ASB4: variants seen among roughly 807,000 people sequenced by gnomAD.
ASB4 encodes ankyrin repeat and SOCS box containing 4.
In ASB4, 35 loss-of-function variants were observed where a neutral mutation model predicts 38.6. The ratio of observed to expected loss-of-function variants is 0.91; its 90% CI spans 0.69 to 1.20. The LOEUF is 1.20. Among genes scored for constraint, ASB4 ranks in the 50% most tolerant of loss-of-function variants. ASB4 has a pLI of 0.00. For missense variants in ASB4, 557 were observed against 527.2 expected (o/e 1.06, Z -0.55); for synonymous variants, 195 against 201.3 (o/e 0.97, Z 0.26).
At chr7:95,541,847 T>G (rs2116666187), downstream of ASB4, among the ~76,000 whole-genome samples, 1 of 152,308 alleles carries the variant, frequency 6.6e-6, no homozygotes, top group African/African-American at 2.4e-5. Flanking sequence ...GGTCATTGGG[T>G]ATCAGAATGA....
At chr7:95,550,928 C>T in the ASB4 span, among the ~76,000 whole-genome samples, 1 of 152,140 alleles carries the variant, frequency 6.6e-6, no homozygotes, top group Non-Finnish European at 1.5e-5. Context: ...TTGGCCCCAG[C>T]TCTAAAATTA....
chr7:95,544,325 A>T (rs1031575213), downstream of ASB4: 6 of 152,232 alleles, frequency 3.9e-5, no homozygotes, highest in Non-Finnish European at 7.3e-5. Flanking sequence ...ACGTCATTAC[A>T]GTCTTTCAGG....
At chr7:95,513,242 GTTT>G (rs1790507968) in intron 2 of ASB4, among the ~76,000 whole-genome samples, 2 of 49,696 alleles carry the variant, frequency 4.0e-5, no homozygotes, top group Non-Finnish European at 8.3e-5. Context: ...GGTTTTTTTT[GTTT>G]TTTGTTTGTT....
Position 95,486,119 on chromosome 7 carries a change from G to T in ASB4, c.148G>T (p.Val50Phe), listed in dbSNP as rs1790086731. The change falls in exon 1 of 5, where the codon GTC becomes TTC. Residue 50 changes from valine to phenylalanine, a missense_variant. Coordinates refer to ENST00000325885, the MANE Select transcript of ASB4 (RefSeq NM_016116.3). ...AATAGATGTGGACACTGTTTTTGAA[G>T]TCGAAGATGAGAATATGGTTTTGGC... Reference protein sequence around the residue: ...RQIDVDTVFEVEDENMVLASY... With the variant: ...RQIDVDTVFEFEDENMVLASY... 6.2e-7 allele frequency: 1 copy of T among 1,613,970 alleles called. No homozygotes were observed. The highest frequency in any genetic ancestry group is 8.5e-7 in the Non-Finnish European group (1 of 1,179,990).
At chr7:95,493,374 G>C (rs1159517613) in intron 1 of ASB4, among the ~76,000 whole-genome samples, 1 of 114,160 alleles carries the variant, frequency 8.8e-6, no homozygotes, top group African/African-American at 3.2e-5. Context: ...GTGTGTGTGT[G>C]TGTGTGTGTG....
intron 2 of ASB4, among the ~76,000 whole-genome samples, chr7:95,508,129 A>G (rs1562814916): frequency 6.6e-6 from 1 of 152,198 alleles, no homozygotes; most frequent in Non-Finnish European, 1.5e-5. Flanking sequence ...ATCCACCAGT[A>G]GGGCAGACAT....
intron 3 of ASB4, chr7:95,528,647 CAG>C: frequency 3.3e-6 from 4 of 1,213,032 alleles, no homozygotes; most frequent in Non-Finnish European, 4.1e-6. Flanking sequence ...ATCTTTTAAA[CAG>C]AATGACTGAT....
chr7:95,481,352 C>CA (rs1173061413), upstream of ASB4, among the ~76,000 whole-genome samples: 5 of 147,896 alleles, frequency 3.4e-5, no homozygotes, highest in East Asian at 2.0e-4. Flanking sequence ...AAAAGAATAG[C>CA]AAAAAAAGGA....
chr7:95,473,111 T>C, the ASB4 span, among the ~76,000 whole-genome samples: 25 of 152,052 alleles, frequency 1.6e-4, no homozygotes, highest in African/African-American at 5.8e-4. Flanking sequence ...ATGATCCTAA[T>C]GAGCAGAAAC....
chr7:95,546,738 C>T, the ASB4 span, among the ~76,000 whole-genome samples: 1 of 152,130 alleles, frequency 6.6e-6, no homozygotes, highest in Non-Finnish European at 1.5e-5. Context: ...CTCTTGGTCT[C>T]GAATTGTATA....
intron 2 of ASB4, among the ~76,000 whole-genome samples, chr7:95,522,277 A>T (rs977878124): frequency 1.3e-5 from 2 of 151,962 alleles, no homozygotes; most frequent in South Asian, 4.1e-4. Context: ...TTTACCAATA[A>T]TTTTTTTTAT....
At position 95,527,022 on chromosome 7, in the gene ASB4, T is replaced by A. The variant is rs116264737; in HGVS notation, c.488-791T>A. Among the ~76,000 whole-genome samples, 1,285 of 152,314 alleles carry A rather than the reference T, an allele frequency of 8.4e-3. 20 individuals are homozygous for A. The highest frequency in any genetic ancestry group is 0.028 in the African/African-American group (1,154 of 41,564). ...TAAGGAGCTTTCCAAGTACAAAAAA[T>A]TCCTATTTCTAACATCCTTTGTCAA... On this transcript the variant is annotated intron_variant, in intron 2 of 4. Transcript: ENST00000325885.
chr7:95,536,086 G>A (rs1790886005), intron 3 of ASB4, among the ~76,000 whole-genome samples: 1 of 152,228 alleles, frequency 6.6e-6, no homozygotes, highest in Non-Finnish European at 1.5e-5. Context: ...CTTGCTCGTG[G>A]AAGGTGAAAG....
chr7:95,547,702 A>T, the ASB4 span, among the ~76,000 whole-genome samples: 1 of 152,224 alleles, frequency 6.6e-6, no homozygotes, highest in Non-Finnish European at 1.5e-5. Context: ...TAAACATTTA[A>T]GTTAATAGGT....
At chr7:95,502,019 A>G (rs1790345445) in intron 2 of ASB4, among the ~76,000 whole-genome samples, 3 of 152,166 alleles carry the variant, frequency 2.0e-5, no homozygotes, top group Admixed American at 6.5e-5. Context: ...AAAGGCAATC[A>G]TAAAACTGGG....
At chr7:95,477,271 T>C (rs1189535357), upstream of ASB4, among the ~76,000 whole-genome samples, 3 of 152,236 alleles carry the variant, frequency 2.0e-5, no homozygotes, top group Non-Finnish European at 4.4e-5. Context: ...CTTTAAAATG[T>C]GCTTCGTTAT....
chr7:95,545,061 C>A (rs182341668), downstream of ASB4, among the ~76,000 whole-genome samples: 1 of 147,240 alleles, frequency 6.8e-6, no homozygotes, highest in South Asian at 2.2e-4. Context: ...CTTTTTATTG[C>A]ATTTTAACTG....
intron 2 of ASB4, among the ~76,000 whole-genome samples, chr7:95,513,965 A>G (rs1452807970): frequency 2.0e-5 from 3 of 152,134 alleles, no homozygotes; most frequent in Non-Finnish European, 4.4e-5. Flanking sequence ...TACCAGTCCA[A>G]AATCACCCTC....
At chr7:95,545,084 C>T (rs1022562584), downstream of ASB4, among the ~76,000 whole-genome samples, 1 of 151,756 alleles carries the variant, frequency 6.6e-6, no homozygotes, top group East Asian at 1.9e-4. Flanking sequence ...ACGATTTTCC[C>T]GTGGTACAGA....
Sources: gnomAD v4.1 joint callset for allele counts (sites outside exome capture counted in the v4.1 genomes callset) on GRCh38, gnomAD v4.1.1 for gene constraint, MANE v1.5 for transcripts, NCBI Gene and HGNC (gene_info 2026-07-23, HGNC 2026-07-21) for gene names.